PAIP2B: variants seen among roughly 807,000 people sequenced by gnomAD.
The protein encoded by PAIP2B is polyadenylate-binding protein-interacting protein 2B.
In PAIP2B, 13 loss-of-function variants were observed where a neutral mutation model predicts 17.0. The ratio of observed to expected loss-of-function variants is 0.76; its 90% confidence interval spans 0.50 to 1.22. The LOEUF (loss-of-function observed/expected upper bound fraction) is 1.22. Among genes scored for constraint, PAIP2B ranks in the 50% most tolerant of loss-of-function variants. The pLI is 0.00. For synonymous variants in PAIP2B, 43 were observed against 48.7 expected (o/e 0.88, Z 0.48); for missense variants, 117 against 144.5 (o/e 0.81, Z 0.98).
intron 1 of PAIP2B, among the ~76,000 whole-genome samples, chr2:71,213,406 G>A (rs1675349434): frequency 6.6e-6 from 1 of 152,150 alleles, no homozygotes; most frequent in Admixed American, 6.5e-5. Context: ...GGTTGGAAAA[G>A]CTCTTTGAAA....
intron 2 of PAIP2B, among the ~76,000 whole-genome samples, chr2:71,197,880 C>G (rs1460066390): frequency 6.6e-6 from 1 of 152,196 alleles, no homozygotes; most frequent in Non-Finnish European, 1.5e-5. Context: ...ATAATTCAGT[C>G]ATCTCCCACC....
At chr2:71,223,806 T>C (rs1024490588) in intron 1 of PAIP2B, among the ~76,000 whole-genome samples, 2 of 152,208 alleles carry the variant, frequency 1.3e-5, no homozygotes, top group African/African-American at 2.4e-5. Flanking sequence ...ATATGATAAC[T>C]GAATAAATTT....
At chr2:71,225,228 A>G (rs1558785601) in intron 1 of PAIP2B, among the ~76,000 whole-genome samples, 1 of 152,228 alleles carries the variant, frequency 6.6e-6, no homozygotes, top group Non-Finnish European at 1.5e-5. Flanking sequence ...CATATGGTCC[A>G]TTAGACAAGG....
intron 1 of PAIP2B, among the ~76,000 whole-genome samples, chr2:71,210,838 T>C (rs558175507): frequency 6.6e-6 from 1 of 152,268 alleles, no homozygotes; most frequent in South Asian, 2.1e-4. Context: ...ATCTGAAAAC[T>C]GGGATACAGA....
chr2:71,206,762 C>G (rs988888373), intron 1 of PAIP2B, among the ~76,000 whole-genome samples: 9 of 152,140 alleles, frequency 5.9e-5, no homozygotes, highest in Non-Finnish European at 1.2e-4. Context: ...TAACAGTTTG[C>G]TAAGATTACT....
intron 1 of PAIP2B, among the ~76,000 whole-genome samples, chr2:71,210,141 T>C (rs1675258560): frequency 6.6e-6 from 1 of 152,110 alleles, no homozygotes; most frequent in South Asian, 2.1e-4. Flanking sequence ...TATTTTTATA[T>C]ACCATGTCAT....
At chr2:71,196,821 A>G (rs949421573) in intron 2 of PAIP2B, among the ~76,000 whole-genome samples, 7 of 151,876 alleles carry the variant, frequency 4.6e-5, no homozygotes, top group Non-Finnish European at 1.0e-4. Context: ...TTTTGTCTGA[A>G]ATTAGGATTG....
chr2:71,224,863 A>C (rs1180373363), intron 1 of PAIP2B, among the ~76,000 whole-genome samples: 1 of 152,210 alleles, frequency 6.6e-6, no homozygotes, highest in African/African-American at 2.4e-5. Flanking sequence ...AATACTCCCA[A>C]AAAAGACTGC....
chr2:71,221,293 T>C (rs1327124502), intron 1 of PAIP2B, among the ~76,000 whole-genome samples: 1 of 152,282 alleles, frequency 6.6e-6, no homozygotes, highest in African/African-American at 2.4e-5. Context: ...TCACCATCTC[T>C]ATATCTCTGT....
chr2:71,216,233 A>ATTT (rs574906855), intron 1 of PAIP2B, among the ~76,000 whole-genome samples: 231 of 152,338 alleles, frequency 1.5e-3, no homozygotes, highest in Non-Finnish European at 2.8e-3. Context: ...TAAAAAATAC[A>ATTT]AGGCCCTTCT....
At chr2:71,205,887 G>T (rs968805372) in intron 1 of PAIP2B, among the ~76,000 whole-genome samples, 1 of 152,138 alleles carries the variant, frequency 6.6e-6, no homozygotes, top group African/African-American at 2.4e-5. Context: ...TTACAGAGAG[G>T]CTCATGGGAG....
rs2103841714 is a variant in PAIP2B at position 71,227,035 on chromosome 2, A to G, written c.-119T>C. ...CGCCACAACAGTCTCGGCCTTTAGT[A>G]CCAAAACGTGAAGCACAGCACCCGA... On this transcript the variant is annotated 5_prime_UTR_variant, in exon 1 of 4. Transcript: ENST00000244221. 1 of 153,086 alleles carries G rather than the reference A, an allele frequency of 6.5e-6. No individual in the cohort carries two copies. The highest frequency in any genetic ancestry group is 2.1e-4 in the South Asian group (1 of 4,816). The allele number at this position is 153,086 out of a possible 1,614,324, so 9.5% of individuals were successfully genotyped here. A position where few individuals can be genotyped will look rare whatever the true frequency, so the allele number is the denominator to read the frequency against.
intron 2 of PAIP2B, among the ~76,000 whole-genome samples, chr2:71,193,836 C>CAAA (rs34132481): frequency 1.4e-3 from 201 of 141,632 alleles, no homozygotes; most frequent in African/African-American, 4.9e-3. Context: ...GACTCTGTCC[C>CAAA]AAAAAAAAAA....
intron 2 of PAIP2B, among the ~76,000 whole-genome samples, chr2:71,194,863 T>A (rs933031427): frequency 6.6e-6 from 1 of 152,218 alleles, no homozygotes; most frequent in African/African-American, 2.4e-5. Flanking sequence ...TGGCTGTGGG[T>A]TTGTCATAGA....
intron 1 of PAIP2B, among the ~76,000 whole-genome samples, chr2:71,224,584 C>G (rs558814976): frequency 6.5e-4 from 99 of 152,206 alleles, no homozygotes; most frequent in African/African-American, 2.3e-3. Context: ...ATGGTGCATA[C>G]AGAGAGAGGT....
At chr2:71,211,166 G>C (rs950432955) in intron 1 of PAIP2B, among the ~76,000 whole-genome samples, 2 of 151,988 alleles carry the variant, frequency 1.3e-5, no homozygotes, top group Non-Finnish European at 2.9e-5. Context: ...AAGCGAGGCA[G>C]GATAATCGCT....
chr2:71,210,879 A>C (rs1012344364), intron 1 of PAIP2B, among the ~76,000 whole-genome samples: 18 of 152,250 alleles, frequency 1.2e-4, no homozygotes, highest in Non-Finnish European at 2.5e-4. Context: ...AACTGAACTT[A>C]ATTACAGCAA....
At chr2:71,223,405 C>T (rs995847467) in intron 1 of PAIP2B, among the ~76,000 whole-genome samples, 6 of 151,068 alleles carry the variant, frequency 4.0e-5, no homozygotes, top group African/African-American at 1.5e-4. Flanking sequence ...GAGCGAAACT[C>T]CATCTCAAAA....
intron 1 of PAIP2B, among the ~76,000 whole-genome samples, chr2:71,213,515 G>C (rs1346292548): frequency 6.6e-6 from 1 of 152,210 alleles, no homozygotes; most frequent in African/African-American, 2.4e-5. Flanking sequence ...TGAGGGCACA[G>C]TGCTAGACAG....
Sources: gnomAD v4.1 joint callset for allele counts (sites outside exome capture counted in the v4.1 genomes callset) on GRCh38, gnomAD v4.1.1 for gene constraint, MANE v1.5 for transcripts, NCBI Gene and HGNC (gene_info 2026-07-23, HGNC 2026-07-21) for gene names.